The following FER1L6 variants were observed in gnomAD, a reference collection of about 807,000 sequenced individuals.
FER1L6 encodes the protein fer-1 like family member 6, also known as fer-1-like protein 6.
Under a neutral mutation model 219.2 loss-of-function variants are expected in FER1L6, and 177 were observed. That is an observed-to-expected ratio of 0.81 (90% CI 0.71 to 0.91). The LOEUF is 0.91. Ranked by LOEUF, FER1L6 falls within the 40% of genes least tolerant of loss-of-function variation. The probability of loss-of-function intolerance (pLI) is 0.00; values close to 1 mark genes in which losing one functional copy is unlikely to be tolerated. For missense variants in FER1L6, 2,153 were observed against 2,259.9 expected, an observed-to-expected ratio of 0.95 and a Z score of 0.96; for synonymous variants, 768 against 824.3, an observed-to-expected ratio of 0.93 and a Z score of 1.17.
chr8:124,078,368 C>A (rs1295931847), intron 32 of FER1L6, among the ~76,000 whole-genome samples: 1 of 152,180 alleles, frequency 6.6e-6, no homozygotes, highest in African/African-American at 2.4e-5. Context: ...TCTCCACCAC[C>A]TTGATAATTA....
intron 9 of FER1L6, among the ~76,000 whole-genome samples, chr8:123,977,112 A>G (rs957819869): frequency 1.3e-5 from 2 of 152,202 alleles, no homozygotes; most frequent in African/African-American, 4.8e-5. Flanking sequence ...TCTACAAAAT[A>G]TGAGCTCATG....
intron 12 of FER1L6, among the ~76,000 whole-genome samples, chr8:123,996,346 G>A (rs1442567742): frequency 6.6e-6 from 1 of 152,050 alleles, no homozygotes; most frequent in African/African-American, 2.4e-5. Flanking sequence ...AGCATTGGGT[G>A]CCTTTGTATT....
rs746424431 is a variant in FER1L6 at position 124,097,267 on chromosome 8, C to A, written c.4696-4C>A. 2 of 1,610,404 alleles carry A rather than the reference C, an allele frequency of 1.2e-6. No homozygotes were observed. The highest frequency in any genetic ancestry group is 1.7e-5 in the Admixed American group (1 of 59,612). ...CTAAAGAAGATATTTTTTTTCTTAACAAGGGCCGCCTGCAGATGTGGGTGG... is the reference window on the plus strand; with the variant it reads ...CTAAAGAAGATATTTTTTTTCTTAAAAAGGGCCGCCTGCAGATGTGGGTGG... On this transcript the variant is annotated splice_polypyrimidine_tract_variant and splice_region_variant and intron_variant, in intron 35 of 40. Transcript: ENST00000522917.
intron 12 of FER1L6, among the ~76,000 whole-genome samples, chr8:123,997,533 A>T (rs928888834): frequency 4.6e-5 from 7 of 152,196 alleles, no homozygotes; most frequent in African/African-American, 1.4e-4. Flanking sequence ...CTTGTACTTG[A>T]ATATTGAAAT....
chr8:123,901,875 C>T (rs34317768), intron 1 of FER1L6, among the ~76,000 whole-genome samples: 2 of 151,848 alleles, frequency 1.3e-5, no homozygotes, highest in Admixed American at 6.6e-5. Context: ...CCCGCCACCA[C>T]GCCTGGCCAA....
At chr8:123,928,544 CT>C (rs1447663297) in intron 1 of FER1L6, among the ~76,000 whole-genome samples, 3 of 152,210 alleles carry the variant, frequency 2.0e-5, no homozygotes, top group Admixed American at 2.0e-4. Flanking sequence ...TGAGTAGTGT[CT>C]GTGTCCAGAG....
At position 124,111,456 on chromosome 8, in the gene FER1L6, G is replaced by C. The variant is rs1401715267; in HGVS notation, c.5290-7388G>C. On this transcript the variant is annotated intron_variant, in intron 39 of 40. Coordinates refer to ENST00000522917, the MANE Select transcript of FER1L6 (RefSeq NM_001039112.2). This position sits in a 1 kb window ranked among gnomAD's most constrained non-coding sequence, Gnocchi z 5.0. ...GGGTCCCAGCCCAGACCCCAAGAGA[G>C]GGCTCTTGCATCTTGGGCAAGAAGG... Among the ~76,000 whole-genome samples the C allele has an allele frequency of 6.6e-6, 1 of 152,190 alleles. No individual in the cohort carries two copies. Among genetic ancestry groups the C allele is most frequent in the Non-Finnish European group, 1.5e-5 (1 of 68,030 alleles).
At chr8:123,869,345 G>T (rs899593713) in intron 1 of FER1L6, among the ~76,000 whole-genome samples, 1 of 152,126 alleles carries the variant, frequency 6.6e-6, no homozygotes, top group African/African-American at 2.4e-5. Flanking sequence ...CTCTTCCCCT[G>T]TGCTCTGTAT....
Position 124,066,419 on chromosome 8 carries a change from C to G in FER1L6, c.3556-9C>G. The G allele has an allele frequency of 6.2e-7, 1 of 1,613,174 alleles. No homozygotes were observed. The highest frequency in any genetic ancestry group is 8.5e-7 in the Non-Finnish European group (1 of 1,179,606). On this transcript the variant is annotated splice_polypyrimidine_tract_variant and intron_variant, in intron 26 of 40. Transcript: ENST00000522917. ...TGAACTAATAACCCATTCCCTCATCCCTTGCCAGGATCCCAGGAAGCCTTC... is the reference window on the plus strand; with the variant it reads ...TGAACTAATAACCCATTCCCTCATCGCTTGCCAGGATCCCAGGAAGCCTTC...
intron 1 of FER1L6, among the ~76,000 whole-genome samples, chr8:123,898,812 T>TATACATATGTGTATATATATAC (rs1453332189): frequency 0.26 from 36,096 of 137,960 alleles, 5,354 homozygotes; most frequent in Middle Eastern, 0.38. Flanking sequence ...TACACATATA[T>TATACATATGTGTATATATATAC]ATACATATGT....
At chr8:124,118,802 G>A in intron 39 of FER1L6, 42 bp from the exon 40 acceptor site, 1 of 1,577,104 alleles carries the variant, frequency 6.3e-7, no homozygotes, top group South Asian at 1.1e-5. Flanking sequence ...GGCTCAGTGG[G>A]TCTTTGTGAC....
intron 33 of FER1L6, among the ~76,000 whole-genome samples, chr8:124,090,114 T>A (rs564301020): frequency 3.3e-5 from 5 of 152,376 alleles, no homozygotes; most frequent in Admixed American, 1.3e-4. Context: ...TTGGGACTTT[T>A]AATACATATG....
At chr8:123,961,285 G>A (rs1479507132) in intron 2 of FER1L6, among the ~76,000 whole-genome samples, 1 of 151,876 alleles carries the variant, frequency 6.6e-6, no homozygotes, top group East Asian at 1.9e-4. Context: ...AAAAAGAAAT[G>A]TAGAAGCTTG....
At chr8:123,924,233 C>CAAAAA (rs71289625) in intron 1 of FER1L6, among the ~76,000 whole-genome samples, 7 of 66,960 alleles carry the variant, frequency 1.0e-4, no homozygotes, top group Admixed American at 4.1e-4. Flanking sequence ...GACTCAGTAT[C>CAAAAA]AAAAAAAAAA....
chr8:123,960,474 G>A (rs1815220284), intron 2 of FER1L6, among the ~76,000 whole-genome samples: 1 of 152,204 alleles, frequency 6.6e-6, no homozygotes, highest in African/African-American at 2.4e-5. Flanking sequence ...CTAAATGCGT[G>A]TGTACTGTTT....
intron 39 of FER1L6, among the ~76,000 whole-genome samples, chr8:124,108,078 G>A (rs1400819322): frequency 3.3e-5 from 5 of 152,150 alleles, no homozygotes; most frequent in Non-Finnish European, 7.4e-5. Context: ...AGCTAACTGG[G>A]GCCAAGCACA....
At chr8:123,990,139 G>A (rs1274172130) in intron 12 of FER1L6, among the ~76,000 whole-genome samples, 1 of 152,070 alleles carries the variant, frequency 6.6e-6, no homozygotes, top group Non-Finnish European at 1.5e-5. Context: ...GTGGTGGTGG[G>A]TGACTGTAGT....
At chr8:123,869,272 C>T (rs1475952253) in intron 1 of FER1L6, among the ~76,000 whole-genome samples, 1 of 152,140 alleles carries the variant, frequency 6.6e-6, no homozygotes, top group African/African-American at 2.4e-5. Context: ...TTTTCTTGGA[C>T]ACACCCATGG....
At chr8:124,089,419 C>A (rs894461143) in intron 33 of FER1L6, among the ~76,000 whole-genome samples, 1 of 152,220 alleles carries the variant, frequency 6.6e-6, no homozygotes, top group African/African-American at 2.4e-5. Context: ...TCAAGACTGT[C>A]TTTCTTACCC....
Sources: allele counts gnomAD v4.1 joint callset (sites outside exome capture counted in the v4.1 genomes callset), GRCh38; gene constraint gnomAD v4.1.1; non-coding constraint Gnocchi (gnomAD v3.1); transcripts MANE v1.5; gene names NCBI Gene and HGNC (gene_info 2026-07-23, HGNC 2026-07-21).